Variants in CDH22 observed in about 807,000 individuals in gnomAD.
CDH22 encodes cadherin 22, also known as cadherin-22.
A neutral mutation model predicts 58.4 loss-of-function variants in CDH22; 30 were observed. The observed-to-expected ratio is 0.51, with a 90% CI of 0.38 to 0.70. The LOEUF (loss-of-function observed/expected upper bound fraction) is 0.70. Ranked by LOEUF, CDH22 falls within the 30% of genes least tolerant of loss-of-function variation. CDH22 has a pLI of 0.00. For missense variants in CDH22, 1,014 were observed against 1,233.9 expected, an observed-to-expected ratio of 0.82 and a Z score of 2.67; for synonymous variants, 513 against 558.2, an observed-to-expected ratio of 0.92 and a Z score of 1.14.
intron 1 of CDH22, among the ~76,000 whole-genome samples, chr20:46,291,794 C>T (rs147553019): frequency 3.3e-5 from 5 of 152,398 alleles, no homozygotes; most frequent in Admixed American, 3.3e-4. Flanking sequence ...CTGATCTTCA[C>T]AAATGGCCTC....
At chr20:46,181,752 CTTCTTTCT>C (rs1191055789) in intron 10 of CDH22, among the ~76,000 whole-genome samples, 44 of 26,260 alleles carry the variant, frequency 1.7e-3, no homozygotes, top group Non-Finnish European at 2.1e-3. Context: ...TCCTTCCTTC[CTTCTTTCT>C]TTCTTTCTTT....
At chr20:46,244,710 G>A (rs1282762072) in intron 2 of CDH22, among the ~76,000 whole-genome samples, 1 of 152,232 alleles carries the variant, frequency 6.6e-6, no homozygotes, top group Non-Finnish European at 1.5e-5. Flanking sequence ...CTATAGCAGA[G>A]GGTGAGGGAG....
rs545332803 is a variant in CDH22, at chr20:46,255,510, T to C, written c.-399-3817A>G. On this transcript the variant is annotated intron_variant, in intron 1 of 11. Transcript: ENST00000537909. ...ACTGGCAGGGCAAGCCTGCCCCGCC[T>C]TGTGAGGGCACAATCTGTACTACTG... is the stretch of plus-strand genomic sequence containing the variant. Among the ~76,000 whole-genome samples the C allele has an allele frequency of 3.3e-5, 5 of 152,316 alleles. No homozygotes were observed. In the East Asian group the frequency reaches 9.7e-4, roughly 29 times the overall value.
rs1426854687 is a variant in CDH22 at position 46,251,376 on chromosome 20, C to T, written c.-82G>A. The stretch of plus-strand genomic sequence containing the variant: ...GCTGCTTGGTCGCACAACGATGCGG[C>T]GCCGTGTCACATGGTGGCCTCAGCG... On this transcript the variant is annotated 5_prime_UTR_variant, in exon 2 of 12. Coordinates refer to ENST00000537909, the MANE Select transcript of CDH22 (RefSeq NM_021248.3). This position sits in a 1 kb window ranked among gnomAD's most constrained non-coding sequence, Gnocchi z 6.7. 3 of 1,368,270 alleles carry T rather than the reference C, an allele frequency of 2.2e-6. No individual in the cohort carries two copies. Among genetic ancestry groups the T allele is most frequent in the Non-Finnish European group, 2.8e-6 (3 of 1,063,180 alleles). The allele number at this position is 1,368,270 out of a possible 1,614,324, so 84.8% of individuals were successfully genotyped here. A position where few individuals can be genotyped will look rare whatever the true frequency, so the allele number is the denominator to read the frequency against.
At chr20:46,208,074 C>T (rs1483300628) in intron 7 of CDH22, among the ~76,000 whole-genome samples, 1 of 152,204 alleles carries the variant, frequency 6.6e-6, no homozygotes, top group East Asian at 1.9e-4. Flanking sequence ...TTTCCCTCCC[C>T]CTCTCCTCAA....
Position 46,210,548 on chromosome 20 carries a change from C to A in CDH22, c.1045G>T (p.Glu349Ter). 7.0e-7 allele frequency: 1 copy of A among 1,425,346 alleles called. No homozygotes were observed. The allele number at this position is 1,425,346 out of a possible 1,614,324, so 88.3% of individuals were successfully genotyped here. A position where few individuals can be genotyped will look rare whatever the true frequency, so the allele number is the denominator to read the frequency against. Residue 349 changes from glutamate (E) to a stop codon, truncating the protein, a stop_gained, in exon 7 of 12, where the codon GAA becomes TAA. Coordinates refer to ENST00000537909, the MANE Select transcript of CDH22 (RefSeq NM_021248.3). LOFTEE classifies it high-confidence loss of function. This position sits in a 1 kb window ranked among gnomAD's most constrained non-coding sequence, Gnocchi z 4.5. ...IIVVQKRLDF[E>*]SQPVHTVILE... ...ATCACGGTGTGCACGGGCTGGGATT[C>A]GAAGTCCAGGCGCTGCGGGAGGGAG... is the stretch of plus-strand genomic sequence containing the variant.
Position 46,177,987 on chromosome 20 carries a change from C to T in CDH22, c.1874G>A (p.Gly625Asp). Residue 625 changes from glycine (G) to aspartate (D), a missense_variant, in exon 11 of 12, where the codon GGC becomes GAC. By Grantham distance (94) the Gly-to-Asp change is moderately conservative (BLOSUM62 -1). This residue lies in a region of CDH22 where 806 missense variants were observed against 1,038.7 expected (regional missense o/e 0.78). Coordinates refer to ENST00000537909, the MANE Select transcript of CDH22 (RefSeq NM_021248.3). Reference protein sequence around the residue: ...AFVMAASLSPGALIALLVCVL... With the variant: ...AFVMAASLSPDALIALLVCVL... ...GCAGACCAAGAGGGCGATGAGGGCG[C>T]CGGGGCTGAGGGAGGCGGCCATGAC... is the stretch of plus-strand genomic sequence containing the variant. 2 of 1,614,026 alleles carry T rather than the reference C, an allele frequency of 1.2e-6. No individual in the cohort carries two copies. The highest frequency in any genetic ancestry group is 1.7e-6 in the Non-Finnish European group (2 of 1,179,992).
At chr20:46,277,276 AC>A (rs2086523207) in intron 1 of CDH22, among the ~76,000 whole-genome samples, 1 of 152,156 alleles carries the variant, frequency 6.6e-6, no homozygotes, top group Admixed American at 6.5e-5. Flanking sequence ...TGGTGTATGA[AC>A]CAAACGTTTT....
intron 1 of CDH22, among the ~76,000 whole-genome samples, chr20:46,282,650 T>C (rs2086556022): frequency 6.6e-6 from 1 of 152,212 alleles, no homozygotes; most frequent in Non-Finnish European, 1.5e-5. Flanking sequence ...GGCAGGTGTA[T>C]GAATTATTTA....
At chr20:46,242,403 C>G (rs530898135) in intron 2 of CDH22, among the ~76,000 whole-genome samples, 5 of 152,350 alleles carry the variant, frequency 3.3e-5, no homozygotes, top group African/African-American at 4.8e-5. Flanking sequence ...CCTGTGCATC[C>G]TCACCCATCA....
At chr20:46,226,064 C>G (rs938708877) in intron 4 of CDH22, among the ~76,000 whole-genome samples, 2 of 152,160 alleles carry the variant, frequency 1.3e-5, no homozygotes, top group East Asian at 3.9e-4. Context: ...CCAGCACAGT[C>G]AGGCCCCTGC....
intron 8 of CDH22, among the ~76,000 whole-genome samples, chr20:46,195,008 G>A (rs2085889108): frequency 6.6e-6 from 1 of 152,180 alleles, no homozygotes; most frequent in Non-Finnish European, 1.5e-5. Context: ...AGGATTACAG[G>A]CGTGAACCAC....
At chr20:46,265,315 C>A (rs1254262783) in intron 1 of CDH22, among the ~76,000 whole-genome samples, 3 of 152,196 alleles carry the variant, frequency 2.0e-5, no homozygotes, top group Non-Finnish European at 4.4e-5. Flanking sequence ...TCCCCTCTTC[C>A]TCCTCCTCTT....
rs1476536964 is a variant in CDH22, at chr20:46,178,018, C to T, written c.1843G>A (p.Ala615Thr). The change falls in exon 11 of 12, where the codon GCC (alanine) becomes ACC (threonine). Residue 615 changes from alanine (A) to threonine (T), a missense_variant. Around this residue, in one of 2 missense-constraint regions of CDH22, gnomAD observed 806 missense variants for 1,038.7 expected, o/e 0.78. Coordinates refer to ENST00000537909, the MANE Select transcript of CDH22 (RefSeq NM_021248.3). ...CTGAGGGAGGCGGCCATGACAAAGG[C>T]CGTGGTGTTGCAGGACTGGATGGTG... Reference protein sequence around the residue: ...SGTIQSCNTTAFVMAASLSPG... With the variant: ...SGTIQSCNTTTFVMAASLSPG... 1 of 1,614,072 alleles carries T rather than the reference C, an allele frequency of 6.2e-7. No homozygotes were observed. Among genetic ancestry groups the T allele is most frequent in the Non-Finnish European group, 8.5e-7 (1 of 1,180,012 alleles).
At chr20:46,283,012 C>A (rs1372561038) in intron 1 of CDH22, among the ~76,000 whole-genome samples, 1 of 152,222 alleles carries the variant, frequency 6.6e-6, no homozygotes, top group African/African-American at 2.4e-5. Context: ...TCCACAGACT[C>A]TGTGCAGCTC....
At chr20:46,193,473 C>G (rs906875361) in intron 8 of CDH22, among the ~76,000 whole-genome samples, 12 of 152,182 alleles carry the variant, frequency 7.9e-5, no homozygotes, top group African/African-American at 2.9e-4. Flanking sequence ...CATGTTTGCC[C>G]CCTCCAAGCC....
chr20:46,209,111 C>T (rs528292476), intron 7 of CDH22, among the ~76,000 whole-genome samples: 1 of 152,206 alleles, frequency 6.6e-6, no homozygotes, highest in South Asian at 2.1e-4. Context: ...CAGAGGAAGA[C>T]AGGGGATAGG....
At chr20:46,200,921 C>T (rs1010981551) in intron 7 of CDH22, among the ~76,000 whole-genome samples, 1 of 152,170 alleles carries the variant, frequency 6.6e-6, no homozygotes, top group Non-Finnish European at 1.5e-5. Flanking sequence ...TGGGAGGGGG[C>T]CTGGGGACAC....
At chr20:46,253,674 G>A (rs928885579) in intron 1 of CDH22, among the ~76,000 whole-genome samples, 2 of 152,212 alleles carry the variant, frequency 1.3e-5, no homozygotes, top group Admixed American at 6.5e-5. Flanking sequence ...AGTTATGGGT[G>A]AGGAGGAGGT....
Sources: allele counts gnomAD v4.1 joint callset (sites outside exome capture counted in the v4.1 genomes callset), GRCh38; gene constraint gnomAD v4.1.1; regional missense constraint gnomAD v4.1.1; non-coding constraint Gnocchi (gnomAD v3.1); transcripts MANE v1.5; gene names NCBI Gene and HGNC (gene_info 2026-07-23, HGNC 2026-07-21).